SPDYE1: variants seen among roughly 807,000 people sequenced by gnomAD.
SPDYE1 encodes speedy/RINGO cell cycle regulator family member E1.
SPDYE1 carries 29 observed loss-of-function variants against 45.9 expected under a neutral mutation model. That is an observed-to-expected ratio of 0.63 (90% CI 0.47 to 0.86). The LOEUF is 0.86. Ranked by LOEUF, SPDYE1 falls within the 40% of genes least tolerant of loss-of-function variation. SPDYE1 has a pLI of 0.00. For missense variants in SPDYE1, 346 were observed against 481.4 expected (o/e 0.72, Z 2.63); for synonymous variants, 134 against 176.8 (o/e 0.76, Z 1.92).
intron 1 of SPDYE1, among the ~76,000 whole-genome samples, chr7:43,998,439 G>A (rs139683148): frequency 0.12 from 17,841 of 150,956 alleles, 1,155 homozygotes; most frequent in Admixed American, 0.18. Context: ...GCCCTCTCCT[G>A]AGTAGCTGCG....
In SPDYE1 at chr7:44,009,591, T is replaced by G. The variant is rs1291375732; in HGVS notation, c.*970T>G. 2.0e-5 allele frequency: 3 copies of G among 148,510 alleles called. No homozygotes were observed. The highest frequency in any genetic ancestry group is 6.7e-5 in the Admixed American group (1 of 14,828). The allele number at this position is 148,510 out of a possible 1,614,324, so 9.2% of individuals were successfully genotyped here. A position where few individuals can be genotyped will look rare whatever the true frequency, so the allele number is the denominator to read the frequency against. On this transcript the variant is annotated 3_prime_UTR_variant, in exon 9 of 9. Transcript: ENST00000693451. ...GGTATAGAATTATTTAAATATTATT[T>G]TATTTATTTAAATATTTATTAAATA...
At chr7:44,006,825 GCTGGTCTCCAACTC>G (rs1768562288) in intron 6 of SPDYE1, among the ~76,000 whole-genome samples, 1 of 152,206 alleles carries the variant, frequency 6.6e-6, no homozygotes, top group Admixed American at 6.5e-5. Flanking sequence ...TGTTGACCAG[GCTGGTCTCCAACTC>G]CTGGTCTCAA....
chr7:43,998,413 C>G (rs1292425770), intron 1 of SPDYE1, among the ~76,000 whole-genome samples: 1 of 151,380 alleles, frequency 6.6e-6, no homozygotes. Context: ...ACCATGAGTT[C>G]AAGTGATTCT....
Position 44,008,920 on chromosome 7 carries a change from G to C in SPDYE1, c.*299G>C, listed in dbSNP as rs1380999440. The C allele has an allele frequency of 2.9e-5, 17 of 580,944 alleles. No homozygotes were observed. Among genetic ancestry groups the C allele is most frequent in the Non-Finnish European group, 4.4e-5 (14 of 320,640 alleles). The allele number at this position is 580,944 out of a possible 1,614,324, so 36.0% of individuals were successfully genotyped here. On this transcript the variant is annotated 3_prime_UTR_variant, in exon 9 of 9. Transcript: ENST00000693451. ...GTGTTTCCAGTTCCACCCTTTCCTG[G>C]GGCACCACCACCCTTTTTATATTGC...
chr7:44,000,274 C>A (rs1370505349), intron 2 of SPDYE1, among the ~76,000 whole-genome samples, 165 bp downstream of exon 2: 6 of 150,280 alleles, frequency 4.0e-5, no homozygotes, highest in African/African-American at 1.5e-4. Context: ...ATGGTGAAAC[C>A]CCATCTCTAC....
rs1023814968 is a variant in SPDYE1 at position 44,008,978 on chromosome 7, G to A, written c.*357G>A. ...CAACCTCCCTGGGGCGGAACCTGGAGGTCCTGTTTCTTACGGACTTGGTTG... is the reference window on the plus strand; with the variant it reads ...CAACCTCCCTGGGGCGGAACCTGGAAGTCCTGTTTCTTACGGACTTGGTTG... On this transcript the variant is annotated 3_prime_UTR_variant, in exon 9 of 9. Coordinates refer to ENST00000693451, the MANE Select transcript of SPDYE1 (RefSeq NM_001378423.2). The A allele has an allele frequency of 4.6e-6, 2 of 436,104 alleles. No homozygotes were observed. The highest frequency in any genetic ancestry group is 2.0e-5 in the African/African-American group (1 of 49,312). The allele number at this position is 436,104 out of a possible 1,614,324, so 27.0% of individuals were successfully genotyped here.
At chr7:44,004,235 A>G in intron 5 of SPDYE1, 2 of 446,896 alleles carry the variant, frequency 4.5e-6, no homozygotes, top group Non-Finnish European at 8.3e-6. Flanking sequence ...GGGTTTTGCC[A>G]TGTTGGCCAG....
intron 3 of SPDYE1, 116 bp downstream of exon 3, chr7:44,001,400 G>A (rs2096062847): frequency 4.6e-6 from 7 of 1,532,132 alleles, no homozygotes; most frequent in Admixed American, 2.0e-5. Flanking sequence ...AGATCTCCAC[G>A]CAGGAGGACT....
chr7:43,999,904 T>C lies in SPDYE1; in HGVS notation c.-46T>C. On this transcript the variant is annotated 5_prime_UTR_variant, in exon 2 of 9. Transcript: ENST00000693451. The stretch of plus-strand genomic sequence containing the variant: ...TCCTGACTTCTCCTAGGCTTGAGAA[T>C]TGATAACATACTCTTCTGGATCCTA... 3 of 978,284 alleles carry C rather than the reference T, an allele frequency of 3.1e-6. No homozygotes were observed. The highest frequency in any genetic ancestry group is 3.6e-6 in the Non-Finnish European group (3 of 827,324). The allele number at this position is 978,284 out of a possible 1,614,324, so 60.6% of individuals were successfully genotyped here.
intron 6 of SPDYE1, among the ~76,000 whole-genome samples, chr7:44,006,979 G>C (rs1172900197): frequency 6.6e-6 from 1 of 152,162 alleles, no homozygotes; most frequent in South Asian, 2.1e-4. Context: ...TCAAACTCCT[G>C]GCCTCAAGTG....
chr7:44,006,447 ATTTCT>A (rs2096071277), intron 6 of SPDYE1, among the ~76,000 whole-genome samples: 1 of 150,730 alleles, frequency 6.6e-6, no homozygotes, highest in African/African-American at 2.4e-5. Flanking sequence ...AATGTATTCA[ATTTCT>A]TTTATTTTTT....
Position 44,007,496 on chromosome 7 carries a change from C to T in SPDYE1, c.981C>T (p.Arg327=), listed in dbSNP as rs750105670. The part of the protein sequence containing the change: ...RCMNPRARKN[R]SQIVLFQKRR... ...TGAACCCGAGGGCCAGGAAGAACCG[C>T]TCTCAGATAGTCCTGTTCCAGAAAC... The change falls in exon 7 of 9, where the codon CGC becomes CGT. Residue 327 remains arginine, a synonymous_variant. Transcript: ENST00000693451. 1.2e-6 allele frequency: 2 copies of T among 1,613,858 alleles called. No homozygotes were observed. Among genetic ancestry groups the T allele is most frequent in the Non-Finnish European group, 1.7e-6 (2 of 1,179,942 alleles).
At chr7:44,005,770 G>C (rs2096070427) in intron 6 of SPDYE1, among the ~76,000 whole-genome samples, 1 of 152,064 alleles carries the variant, frequency 6.6e-6, no homozygotes, top group Admixed American at 6.6e-5. Context: ...ACTCCTAAGG[G>C]GAAAAGAAAA....
At chr7:44,002,508 G>A in intron 3 of SPDYE1, 82 bp from the exon 4 acceptor site, 1 of 1,462,122 alleles carries the variant, frequency 6.8e-7, no homozygotes, top group Non-Finnish European at 9.2e-7. Context: ...GGGGAGGATG[G>A]AGAGTGGTTT....
rs893978418 is a variant in SPDYE1 at position 44,008,966 on chromosome 7, G to C, written c.*345G>C. On this transcript the variant is annotated 3_prime_UTR_variant, in exon 9 of 9. Coordinates refer to ENST00000693451, the MANE Select transcript of SPDYE1 (RefSeq NM_001378423.2). ...ATTGCTGAATTCCAACCTCCCTGGG[G>C]CGGAACCTGGAGGTCCTGTTTCTTA... The C allele has an allele frequency of 6.5e-5, 30 of 463,420 alleles. No homozygotes were observed. The highest frequency in any genetic ancestry group is 1.0e-4 in the Non-Finnish European group (25 of 239,044). The allele number at this position is 463,420 out of a possible 1,614,324, so 28.7% of individuals were successfully genotyped here.
At chr7:43,998,287 C>G (rs76102394) in intron 1 of SPDYE1, among the ~76,000 whole-genome samples, 4 of 151,792 alleles carry the variant, frequency 2.6e-5, no homozygotes, top group African/African-American at 9.7e-5. Flanking sequence ...AGCAGCCCAT[C>G]AGGAAAACGT....
chr7:44,005,132 T>C lies in SPDYE1; in HGVS notation c.667-10T>C, dbSNP rs1342938415. ...ACCTCTCCCTCTCTGTGTTCCTTTCTCTCCATCAGTATCTCCTTGCTATGG... is the reference window on the plus strand; with the variant it reads ...ACCTCTCCCTCTCTGTGTTCCTTTCCCTCCATCAGTATCTCCTTGCTATGG... On this transcript the variant is annotated splice_polypyrimidine_tract_variant and intron_variant, in intron 5 of 8. Coordinates refer to ENST00000693451, the MANE Select transcript of SPDYE1 (RefSeq NM_001378423.2). 2 of 1,611,762 alleles carry C rather than the reference T, an allele frequency of 1.2e-6. No individual in the cohort carries two copies. Among genetic ancestry groups the C allele is most frequent in the African/African-American group, 1.3e-5 (1 of 74,916 alleles).
At chr7:44,005,091 C>T (rs747024494) in intron 5 of SPDYE1, 51 bp from the exon 6 acceptor site, 5 of 1,593,358 alleles carry the variant, frequency 3.1e-6, no homozygotes, top group South Asian at 1.1e-5. Context: ...CCACAATCTT[C>T]CTCTTCCAAG....
rs1035170234 is a variant in SPDYE1 at position 44,001,146 on chromosome 7, G to A, written c.241G>A (p.Glu81Lys). ...GGAGTGGTCAGATGAATCTGAGGAG[G>A]AGCCGGAGAAGGAGCTCGCCCCTGA... Reference protein sequence around the residue: ...KREWSDESEEEPEKELAPEPE... With the variant: ...KREWSDESEEKPEKELAPEPE... The change falls in exon 3 of 9, where the codon GAG becomes AAG. Residue 81 changes from glutamate to lysine, a missense_variant. Around this residue, in one of 4 missense-constraint regions of SPDYE1, gnomAD observed 141 missense variants for 176.7 expected, o/e 0.80. Coordinates refer to ENST00000693451, the MANE Select transcript of SPDYE1 (RefSeq NM_001378423.2). 10 of 1,598,278 alleles carry A rather than the reference G, an allele frequency of 6.3e-6. No homozygotes were observed. The highest frequency in any genetic ancestry group is 5.0e-5 in the Admixed American group (3 of 59,934).
Sources: gnomAD v4.1 joint callset for allele counts (sites outside exome capture counted in the v4.1 genomes callset) on GRCh38, gnomAD v4.1.1 for gene constraint, gnomAD v4.1.1 regional missense constraint, MANE v1.5 for transcripts, NCBI Gene and HGNC (gene_info 2026-07-23, HGNC 2026-07-21) for gene names.